Variants in NHSL1 observed in about 807,000 individuals in gnomAD.
The protein encoded by NHSL1 is NHS-like protein 1.
In NHSL1, 48 loss-of-function variants were observed where a neutral mutation model predicts 95.0. The ratio of observed to expected loss-of-function variants is 0.51; its 90% confidence interval spans 0.40 to 0.64. The LOEUF is 0.64. NHSL1 is among the 30% of genes least tolerant of loss of function. The pLI, the probability that NHSL1 is intolerant of heterozygous loss-of-function variation, is 0.00. For missense variants in NHSL1, 1,971 were observed against 2,077.7 expected (o/e 0.95, Z 1.00); for synonymous variants, 783 against 833.9 (o/e 0.94, Z 1.05).
intron 7 of NHSL1, 41 bp downstream of exon 7, chr6:138,429,670 T>C: frequency 6.6e-7 from 1 of 1,510,890 alleles, no homozygotes. Context: ...AAAGAAGGAA[T>C]TACACAGTAG....
At chr6:138,620,864 C>A (rs1285834336) in intron 1 of NHSL1, among the ~76,000 whole-genome samples, 2 of 152,194 alleles carry the variant, frequency 1.3e-5, no homozygotes, top group Non-Finnish European at 2.9e-5. Context: ...AGCCAGTCTT[C>A]GGTCTTCAAA....
intron 2 of NHSL1, 44 bp downstream of exon 2, chr6:138,496,175 G>T: frequency 6.5e-7 from 1 of 1,543,900 alleles, no homozygotes; most frequent in Non-Finnish European, 8.8e-7. Context: ...GCTCTCAGCA[G>T]CCAGTAACCC....
In NHSL1 at chr6:138,431,327, C is replaced by A. The variant is rs1418696523; in HGVS notation, c.3018G>T (p.Val1006=). Residue 1006 remains valine, a synonymous_variant, in exon 6 of 8, where the codon GTG becomes GTT. Coordinates refer to ENST00000343505, the MANE Select transcript of NHSL1 (RefSeq NM_001144060.2). This position sits in a 1 kb window ranked among gnomAD's most constrained non-coding sequence, Gnocchi z 4.0. ...ALSPILPDSP[V]SLPLPPPLLP... is the part of the protein sequence containing the mutation. The stretch of plus-strand genomic sequence containing the variant: ...AGAGAGGTGGGGGCAATGGCAAGGA[C>A]ACAGGTGAATCTGGAAGAATGGGGC... 5.3e-6 allele frequency: 8 copies of A among 1,519,906 alleles called. No homozygotes were observed. In the East Asian group the frequency reaches 2.0e-4, roughly 37 times the overall value. 94.2% of individuals were successfully genotyped at this position (1,519,906 alleles called of 1,614,324 possible).
chr6:138,595,070 G>C (rs1784285365), intron 1 of NHSL1, among the ~76,000 whole-genome samples: 1 of 152,224 alleles, frequency 6.6e-6, no homozygotes, highest in South Asian at 2.1e-4. Context: ...CCACTATGCT[G>C]AAGCCAAGCC....
intron 1 of NHSL1, among the ~76,000 whole-genome samples, chr6:138,604,101 T>C (rs1784403856): frequency 6.6e-6 from 1 of 152,242 alleles, no homozygotes; most frequent in Admixed American, 6.5e-5. Context: ...CTAAGTGAGT[T>C]GACCACCCAG....
chr6:138,677,580 T>C (rs1055476291), intron 1 of NHSL1, among the ~76,000 whole-genome samples: 1 of 152,192 alleles, frequency 6.6e-6, no homozygotes, highest in Admixed American at 6.5e-5. Flanking sequence ...GCCTTTAAAG[T>C]ACTGTCCTGA....
At chr6:138,563,197 C>G (rs2114323133) in intron 1 of NHSL1, among the ~76,000 whole-genome samples, 2 of 152,302 alleles carry the variant, frequency 1.3e-5, no homozygotes, top group East Asian at 3.9e-4. Context: ...GATATCCAGA[C>G]TATGTTTATT....
rs1467218247 is a variant in NHSL1, at chr6:138,424,394, G to A, written c.4508C>T (p.Pro1503Leu). 6.5e-7 allele frequency: 1 copy of A among 1,549,852 alleles called. No individual in the cohort carries two copies. The highest frequency in any genetic ancestry group is 8.7e-7 in the Non-Finnish European group (1 of 1,145,978). Residue 1503 changes from proline (P) to leucine (L), a missense_variant, in exon 8 of 8, where the codon CCG becomes CTG. By Grantham distance (98) the Pro-to-Leu change is moderately conservative. Transcript: ENST00000343505. The surrounding 1 kb of genome is among the most constrained non-coding windows in gnomAD (Gnocchi z 5.9). ...SGPRYGRSRT[P>L]PSAASSRYSM... ...GTACCTGCTGCTGGCGGCAGAAGGC[G>A]GCGTTCGGCTGCGGCCGTACCTGGG... is the stretch of plus-strand genomic sequence containing the variant.
intron 3 of NHSL1, among the ~76,000 whole-genome samples, chr6:138,451,636 C>G (rs1777246996): frequency 6.6e-6 from 1 of 152,176 alleles, no homozygotes; most frequent in Non-Finnish European, 1.5e-5. Context: ...CTCACTTAAT[C>G]TTCACAGTGT....
chr6:138,580,952 G>A (rs964766757), intron 1 of NHSL1, among the ~76,000 whole-genome samples: 21 of 152,214 alleles, frequency 1.4e-4, no homozygotes, highest in African/African-American at 5.1e-4. Flanking sequence ...TCAGCTGGAA[G>A]AGGAAAAGGC....
chr6:138,588,400 T>C (rs1784173030), intron 1 of NHSL1, among the ~76,000 whole-genome samples: 1 of 152,194 alleles, frequency 6.6e-6, no homozygotes, highest in Admixed American at 6.5e-5. Flanking sequence ...AGGCAGAGGT[T>C]GCAGTGAGCC....
At chr6:138,599,490 G>A (rs561696884) in intron 1 of NHSL1, among the ~76,000 whole-genome samples, 19 of 151,836 alleles carry the variant, frequency 1.3e-4, no homozygotes, top group Admixed American at 1.2e-3. Context: ...CCAGCCTGGG[G>A]AACACAGCAA....
Position 138,431,562 on chromosome 6 carries a change from G to C in NHSL1, c.2783C>G (p.Pro928Arg), listed in dbSNP as rs542486373. ...GGGAACAGGAGGAGGAGGAGGAGCC[G>C]GGGGAGAGCCCACGGCTGGATCCAG... The part of the protein sequence containing the change: ...KKLDPAVGSP[P>R]APPPPPVPSP... The change falls in exon 6 of 8, where the codon CCG becomes CGG. Residue 928 changes from proline to arginine, a missense_variant. By Grantham distance (103) the Pro-to-Arg change is moderately radical. Coordinates refer to ENST00000343505, the MANE Select transcript of NHSL1 (RefSeq NM_001144060.2). The surrounding 1 kb of genome is among the most constrained non-coding windows in gnomAD (Gnocchi z 4.0). 14 of 1,550,942 alleles carry C rather than the reference G, an allele frequency of 9.0e-6. No individual in the cohort carries two copies. In the African/African-American group the frequency reaches 1.6e-4, roughly 18 times the overall value.
intron 1 of NHSL1, among the ~76,000 whole-genome samples, chr6:138,670,787 A>T (rs1230697846): frequency 6.6e-6 from 1 of 152,206 alleles, no homozygotes. Context: ...CAACAAAACA[A>T]GCTCTTGCAA....
At chr6:138,466,839 T>C (rs796655674) in intron 3 of NHSL1, among the ~76,000 whole-genome samples, 12 of 152,054 alleles carry the variant, frequency 7.9e-5, no homozygotes, top group African/African-American at 2.9e-4. Flanking sequence ...ATCTCAGCAC[T>C]TTGGGAGGCT....
At chr6:138,681,043 T>C (rs1785505589) in intron 1 of NHSL1, among the ~76,000 whole-genome samples, 1 of 152,172 alleles carries the variant, frequency 6.6e-6, no homozygotes, top group Non-Finnish European at 1.5e-5. Flanking sequence ...TAATCTTTTT[T>C]CCCAAATCAA....
intron 2 of NHSL1, among the ~76,000 whole-genome samples, chr6:138,481,592 C>T (rs1242249140): frequency 1.3e-5 from 2 of 152,144 alleles, no homozygotes; most frequent in Admixed American, 1.3e-4. Flanking sequence ...CTCAAAGACA[C>T]TGTGTATTTA....
chr6:138,431,069 C>T lies in NHSL1; in HGVS notation c.3276G>A (p.Leu1092=). The change falls in exon 6 of 8, where the codon TTG becomes TTA. Residue 1092 remains leucine, a synonymous_variant. Transcript: ENST00000343505. This position sits in a 1 kb window ranked among gnomAD's most constrained non-coding sequence, Gnocchi z 4.0. ...RKNSGAEAAQ[L]SERTAQEQRT... ...GTTGTTCCTGAGCTGTTCGTTCAGA[C>T]AACTGTGCCGCCTCAGCGCCTGAGT... The T allele has an allele frequency of 1.3e-6, 2 of 1,552,048 alleles. No homozygotes were observed. Among genetic ancestry groups the T allele is most frequent in the Non-Finnish European group, 1.7e-6 (2 of 1,147,080 alleles).
At chr6:138,680,774 G>A (rs1450633490) in intron 1 of NHSL1, among the ~76,000 whole-genome samples, 3 of 152,028 alleles carry the variant, frequency 2.0e-5, no homozygotes, top group Non-Finnish European at 4.4e-5. Flanking sequence ...GAGCCACCAC[G>A]CCTGGTTAAT....
Sources: allele counts gnomAD v4.1 joint callset (sites outside exome capture counted in the v4.1 genomes callset), GRCh38; gene constraint gnomAD v4.1.1; non-coding constraint Gnocchi (gnomAD v3.1); transcripts MANE v1.5; gene names NCBI Gene and HGNC (gene_info 2026-07-23, HGNC 2026-07-21).